WDTC1: variants seen among roughly 807,000 people sequenced by gnomAD.
WDTC1 encodes WD and tetratricopeptide repeats 1.
In WDTC1, 12 loss-of-function variants were observed where a neutral mutation model predicts 76.0. The ratio of observed to expected loss-of-function variants is 0.16; its 90% confidence interval spans 0.10 to 0.26. The LOEUF (loss-of-function observed/expected upper bound fraction) is 0.26. Ranked by LOEUF, WDTC1 falls within the 10% of genes least tolerant of loss-of-function variation. The pLI, the probability that WDTC1 is intolerant of heterozygous loss-of-function variation, is 1.00. For missense variants in WDTC1, 511 were observed against 908.8 expected (o/e 0.56, Z 5.63); for synonymous variants, 326 against 350.8 (o/e 0.93, Z 0.79).
chr1:27,275,528 G>C (rs1309292573), intron 3 of WDTC1, among the ~76,000 whole-genome samples: 2 of 151,478 alleles, frequency 1.3e-5, no homozygotes, highest in African/African-American at 4.9e-5. Context: ...TGAGGCAGGA[G>C]AATTGCTTGA....
rs1167857064 is a variant in WDTC1 at position 27,292,238 on chromosome 1, G to T, written c.503G>T (p.Ser168Ile). 6.2e-7 allele frequency: 1 copy of T among 1,602,392 alleles called. No individual in the cohort carries two copies. The highest frequency in any genetic ancestry group is 1.1e-5 in the South Asian group (1 of 89,304). ...LIRQYDLREN[S>I]KHSEVLIDLT... ...AGCCAGTATGACCTTCGAGAGAACA[G>T]CAAACACTCGGAGGTGCTGATTGAC... Residue 168 changes from serine to isoleucine, a missense_variant, in exon 7 of 16, where the codon AGC becomes ATC. Coordinates refer to ENST00000319394, the MANE Select transcript of WDTC1 (RefSeq NM_001276252.2).
Position 27,303,132 on chromosome 1 carries a change from G to C in WDTC1, c.1469-489G>C, listed in dbSNP as rs925581542. 1.3e-5 allele frequency among the ~76,000 whole-genome samples: 2 copies of C among 152,096 alleles called. No individual in the cohort carries two copies. Among genetic ancestry groups the C allele is most frequent in the Admixed American group, 1.3e-4 (2 of 15,268 alleles). Reference sequence around the variant, plus strand: ...TACTAAAAATACAAAAATTAGCTGGGCGTGGTGGCACGTGCCTGGTAGTCC... The same window carrying C: ...TACTAAAAATACAAAAATTAGCTGGCCGTGGTGGCACGTGCCTGGTAGTCC... On this transcript the variant is annotated intron_variant, in intron 13 of 15. Transcript: ENST00000319394. The surrounding 1 kb of genome is among the most constrained non-coding windows in gnomAD (Gnocchi z 4.8).
At chr1:27,236,366 A>G (rs2011490239) in intron 1 of WDTC1, among the ~76,000 whole-genome samples, 2 of 152,116 alleles carry the variant, frequency 1.3e-5, no homozygotes, top group African/African-American at 2.4e-5. Context: ...CTTTTCCGTC[A>G]TAGTTTGTGA....
intron 5 of WDTC1, among the ~76,000 whole-genome samples, chr1:27,284,729 G>A (rs140334642): frequency 9.2e-5 from 14 of 151,870 alleles, no homozygotes; most frequent in Admixed American, 1.3e-4. Context: ...CCTTGGGAAC[G>A]GCACTTACAT....
At chr1:27,280,626 T>A (rs1434127986) in intron 3 of WDTC1, among the ~76,000 whole-genome samples, 1 of 152,262 alleles carries the variant, frequency 6.6e-6, no homozygotes, top group East Asian at 1.9e-4. Flanking sequence ...AGCACTTGGC[T>A]GTCTGCTTCC....
At chr1:27,235,660 C>A (rs1372511428) in intron 1 of WDTC1, among the ~76,000 whole-genome samples, 1 of 152,018 alleles carries the variant, frequency 6.6e-6, no homozygotes, top group Non-Finnish European at 1.5e-5. Context: ...CGCCCCTTTG[C>A]CAGATTGGTT....
rs750805568 is a variant in WDTC1, at chr1:27,287,811, G to A, written c.429G>A (p.Ala143=). Residue 143 remains alanine, a synonymous_variant, in exon 6 of 16, where the codon GCG becomes GCA. Transcript: ENST00000319394. ...ACCGGGTGAAGCGCATCGCCACAGC[G>A]CCCATGTGGCCCAACACATTCTGGA... ...HTNRVKRIAT[A]PMWPNTFWSA... is the part of the protein sequence containing the mutation. The A allele has an allele frequency of 2.8e-5, 45 of 1,613,736 alleles. No homozygotes were observed. Among genetic ancestry groups the A allele is most frequent in the Non-Finnish European group, 3.4e-5 (40 of 1,179,900 alleles).
At chr1:27,235,376 G>A (rs78969580) in intron 1 of WDTC1, among the ~76,000 whole-genome samples, 1 of 148,564 alleles carries the variant, frequency 6.7e-6, no homozygotes, top group African/African-American at 2.5e-5. Flanking sequence ...CTCTCTTTCT[G>A]TTTTTCTCTC....
chr1:27,296,798 C>CCCCAGCCCTAGCCCTAGCCCCATA (rs2013702996), intron 10 of WDTC1, among the ~76,000 whole-genome samples: 2 of 148,850 alleles, frequency 1.3e-5, no homozygotes, highest in Non-Finnish European at 3.0e-5. Context: ...CTAGCCCCAG[C>CCCCAGCCCTAGCCCTAGCCCCATA]CCCAGCCCTA....
chr1:27,300,545 A>G (rs544632653), intron 12 of WDTC1, among the ~76,000 whole-genome samples: 22 of 151,956 alleles, frequency 1.4e-4, no homozygotes, highest in Non-Finnish European at 2.6e-4. Flanking sequence ...ATGCTTCAGG[A>G]GGTTGGAGAA....
At chr1:27,269,726 C>T (rs2012805224) in intron 3 of WDTC1, among the ~76,000 whole-genome samples, 1 of 150,268 alleles carries the variant, frequency 6.7e-6, no homozygotes, top group Non-Finnish European at 1.5e-5. Flanking sequence ...GGAATTCTGC[C>T]TCAGCCTCCT....
At chr1:27,292,025 G>T (rs2013548827) in intron 6 of WDTC1, among the ~76,000 whole-genome samples, 190 bp from the exon 7 acceptor site, 1 of 152,190 alleles carries the variant, frequency 6.6e-6, no homozygotes, top group African/African-American at 2.4e-5. Flanking sequence ...AATAGAATGT[G>T]TGAGAAGCCT....
intron 1 of WDTC1, among the ~76,000 whole-genome samples, chr1:27,243,231 A>G (rs180995959): frequency 3.7e-5 from 4 of 108,826 alleles, no homozygotes; most frequent in Admixed American, 1.3e-4. Context: ...TTTTGAGACA[A>G]TGTCTCACTC....
At chr1:27,249,034 G>A (rs1480175561) in intron 1 of WDTC1, among the ~76,000 whole-genome samples, 3 of 152,160 alleles carry the variant, frequency 2.0e-5, no homozygotes, top group African/African-American at 7.2e-5. Flanking sequence ...TTGGGAGGCT[G>A]AGGCAGACAG....
chr1:27,260,135 C>T (rs949928687), intron 1 of WDTC1, among the ~76,000 whole-genome samples: 3 of 152,040 alleles, frequency 2.0e-5, no homozygotes, highest in Non-Finnish European at 4.4e-5. Flanking sequence ...GATGGAGTCT[C>T]GCTCTGTCGC....
At chr1:27,235,011 AG>A (rs2011464612) in intron 1 of WDTC1, 60 bp downstream of exon 1, 1 of 373,426 alleles carries the variant, frequency 2.7e-6, no homozygotes, top group Non-Finnish European at 4.8e-6. Context: ...CGGCTCCCGC[AG>A]CCCCGGTGAA....
intron 6 of WDTC1, among the ~76,000 whole-genome samples, chr1:27,289,207 G>A (rs1489164491): frequency 6.7e-6 from 1 of 148,832 alleles, no homozygotes. Flanking sequence ...CGGGCAGAGG[G>A]GCTCCTCACT....
chr1:27,259,513 G>A (rs1447544496), intron 1 of WDTC1, among the ~76,000 whole-genome samples: 1 of 151,262 alleles, frequency 6.6e-6, no homozygotes, highest in Non-Finnish European at 1.5e-5. Flanking sequence ...TTCTTTAGAG[G>A]CAGAGTCTCG....
chr1:27,282,032 C>CA (rs1399443543), intron 3 of WDTC1, among the ~76,000 whole-genome samples: 3 of 152,150 alleles, frequency 2.0e-5, no homozygotes, highest in Admixed American at 2.0e-4. Context: ...CAGAAGTGCC[C>CA]AGTATCAAGT....
Sources: allele counts gnomAD v4.1 joint callset (sites outside exome capture counted in the v4.1 genomes callset), GRCh38; gene constraint gnomAD v4.1.1; non-coding constraint Gnocchi (gnomAD v3.1); transcripts MANE v1.5; gene names NCBI Gene and HGNC (gene_info 2026-07-23, HGNC 2026-07-21).